The following C12orf75 variants were observed in gnomAD, a reference collection of about 807,000 sequenced individuals.
C12orf75 encodes the protein chromosome 12 open reading frame 75, also known as overexpressed in colon carcinoma 1 protein.
Under a neutral mutation model 11.4 loss-of-function variants are expected in C12orf75, and 4 were observed. The observed-to-expected ratio is 0.35, with a 90% CI of 0.17 to 0.80. The LOEUF (loss-of-function observed/expected upper bound fraction) is 0.80, where lower values mean the gene tolerates loss of function less well. Among genes scored for constraint, C12orf75 ranks in the 30% least tolerant of loss-of-function variants. The probability of loss-of-function intolerance (pLI) is 0.52; values close to 1 mark genes in which losing one functional copy is unlikely to be tolerated. For synonymous variants in C12orf75, 30 were observed against 30.0 expected, an observed-to-expected ratio of 1.00 and a Z score of 0.00; for missense variants, 89 against 80.4, an observed-to-expected ratio of 1.11 and a Z score of -0.41.
intron 1 of C12orf75, among the ~76,000 whole-genome samples, chr12:105,340,684 G>A (rs2136141857): frequency 6.6e-6 from 1 of 152,258 alleles, no homozygotes; most frequent in Non-Finnish European, 1.5e-5. Context: ...TTTCTGCAGT[G>A]AGTGAATGCA....
intron 1 of C12orf75, among the ~76,000 whole-genome samples, chr12:105,342,033 G>A (rs1892581331): frequency 1.3e-5 from 2 of 152,202 alleles, no homozygotes; most frequent in Admixed American, 6.5e-5. Context: ...AATTAAGCAT[G>A]TTTCCTTTAT....
At chr12:105,356,249 A>C (rs1892779043) in intron 2 of C12orf75, among the ~76,000 whole-genome samples, 1 of 152,162 alleles carries the variant, frequency 6.6e-6, no homozygotes, top group South Asian at 2.1e-4. Context: ...GGAGAATTGT[A>C]GTGTAGATGG....
rs1275998584 is a variant in C12orf75, at chr12:105,361,524, T to TC, written c.72-4277dup. On this transcript the variant is annotated intron_variant, in intron 2 of 5. Transcript: ENST00000443585. The stretch of plus-strand genomic sequence containing the variant: ...AAAAAACGACCTTTAGGGAAATGAG[T>TC]CCCCCCACCAGAAGGTGTGCTTTTT... Among the ~76,000 whole-genome samples, 3 of 151,902 alleles carry TC rather than the reference T, an allele frequency of 2.0e-5. No homozygotes were observed. In the South Asian group the frequency reaches 6.2e-4, roughly 32 times the overall value.
chr12:105,340,179 A>G (rs1377375821), intron 1 of C12orf75, among the ~76,000 whole-genome samples: 1 of 151,586 alleles, frequency 6.6e-6, no homozygotes, highest in Admixed American at 6.6e-5. Flanking sequence ...TAATCCCAGC[A>G]CTTTGGGAGG....
intron 2 of C12orf75, among the ~76,000 whole-genome samples, chr12:105,357,805 T>A (rs796331791): frequency 1.1e-4 from 15 of 142,794 alleles, no homozygotes; most frequent in South Asian, 8.7e-4. Context: ...TGTGTGTGTG[T>A]GTGAGAGAGA....
intron 2 of C12orf75, among the ~76,000 whole-genome samples, chr12:105,362,384 CAAAAAAAAA>C (rs35725967): frequency 1.6e-4 from 3 of 18,758 alleles, no homozygotes; most frequent in Admixed American, 9.4e-4. Flanking sequence ...GACTCCGTCT[CAAAAAAAAA>C]AAAAAAAAAA....
At chr12:105,368,668 T>A (rs373171483) in intron 5 of C12orf75, among the ~76,000 whole-genome samples, 19 of 152,160 alleles carry the variant, frequency 1.2e-4, no homozygotes, top group African/African-American at 4.6e-4. Context: ...ATTTGCTGTT[T>A]GGGATGGGGT....
intron 1 of C12orf75, among the ~76,000 whole-genome samples, chr12:105,345,046 G>T (rs1188872252): frequency 6.6e-6 from 1 of 150,770 alleles, no homozygotes; most frequent in African/African-American, 2.4e-5. Context: ...GTCAGGCCAT[G>T]ATGGGAAGTG....
intron 5 of C12orf75, among the ~76,000 whole-genome samples, chr12:105,369,294 A>G (rs2136153579): frequency 6.6e-6 from 1 of 152,360 alleles, no homozygotes; most frequent in East Asian, 1.9e-4. Context: ...GCAAGCTCAT[A>G]TAATTTTAGG....
intron 2 of C12orf75, among the ~76,000 whole-genome samples, chr12:105,363,382 A>G (rs1217805886): frequency 6.6e-6 from 1 of 152,220 alleles, no homozygotes; most frequent in Non-Finnish European, 1.5e-5. Context: ...AGTCTTATAC[A>G]TGGGAGTGAG....
intron 2 of C12orf75, among the ~76,000 whole-genome samples, chr12:105,364,837 CTTTT>C (rs71440583): frequency 8.0e-6 from 1 of 125,696 alleles, no homozygotes; most frequent in African/African-American, 3.0e-5. Flanking sequence ...ATATGGACTC[CTTTT>C]TTTTTTTTTT....
At chr12:105,335,300 A>C (rs561302441) in intron 1 of C12orf75, among the ~76,000 whole-genome samples, 6 of 152,286 alleles carry the variant, frequency 3.9e-5, no homozygotes, top group South Asian at 4.1e-4. Flanking sequence ...TGAGGTAGCT[A>C]TATTGGTCCA....
In C12orf75 at chr12:105,371,419, ATTAAT is replaced by A. The variant is rs1471466858; in HGVS notation, c.*822_*826del. The A allele has an allele frequency of 2.6e-5, 4 of 152,316 alleles. No homozygotes were observed. Among genetic ancestry groups the A allele is most frequent in the Non-Finnish European group, 5.9e-5 (4 of 68,018 alleles). 9.4% of individuals were successfully genotyped at this position (152,316 alleles called of 1,614,324 possible). A position where few individuals can be genotyped will look rare whatever the true frequency, so the allele number is the denominator to read the frequency against. On this transcript the variant is annotated 3_prime_UTR_variant, in exon 6 of 6. Coordinates refer to ENST00000443585, the MANE Select transcript of C12orf75 (RefSeq NM_001145199.2). Reference sequence around the variant, plus strand: ...TGGATGGTTAGTGGGATATCTGGAAATTAATTTGATAATGACTTGTGTATCTACTT... The same window carrying A: ...TGGATGGTTAGTGGGATATCTGGAAATTGATAATGACTTGTGTATCTACTT...
At chr12:105,333,851 G>T (rs922989388) in intron 1 of C12orf75, among the ~76,000 whole-genome samples, 5 of 152,082 alleles carry the variant, frequency 3.3e-5, no homozygotes, top group African/African-American at 1.2e-4. Flanking sequence ...ATTTTTTGAT[G>T]CATTAACATA....
intron 2 of C12orf75, among the ~76,000 whole-genome samples, chr12:105,354,438 G>T (rs1219703302): frequency 6.6e-6 from 1 of 152,150 alleles, no homozygotes; most frequent in Non-Finnish European, 1.5e-5. Flanking sequence ...ACAGAATAAT[G>T]ATGTTTCATT....
At chr12:105,352,052 T>C (rs1044712954) in intron 2 of C12orf75, among the ~76,000 whole-genome samples, 1 of 151,990 alleles carries the variant, frequency 6.6e-6, no homozygotes, top group Non-Finnish European at 1.5e-5. Context: ...ACAAACAAGA[T>C]GCATTAGAAA....
At chr12:105,355,456 C>T (rs1479066758) in intron 2 of C12orf75, among the ~76,000 whole-genome samples, 2 of 152,214 alleles carry the variant, frequency 1.3e-5, no homozygotes, top group East Asian at 3.9e-4. Context: ...GTGTGTGCCA[C>T]TGCACGTGGC....
chr12:105,334,304 A>C (rs1167897420), intron 1 of C12orf75, among the ~76,000 whole-genome samples: 1 of 152,370 alleles, frequency 6.6e-6, no homozygotes, highest in East Asian at 1.9e-4. Flanking sequence ...GTTGCTCTTG[A>C]GAAATTGATA....
intron 2 of C12orf75, 137 bp from the exon 3 acceptor site, chr12:105,365,670 G>A: frequency 1.5e-6 from 1 of 665,628 alleles, no homozygotes; most frequent in East Asian, 2.7e-5. Context: ...GGATAGTTTT[G>A]CTCCTCTACT....
Sources: gnomAD v4.1 joint callset for allele counts (sites outside exome capture counted in the v4.1 genomes callset) on GRCh38, gnomAD v4.1.1 for gene constraint, MANE v1.5 for transcripts, NCBI Gene and HGNC (gene_info 2026-07-23, HGNC 2026-07-21) for gene names.